Variants in DNER observed in about 807,000 individuals in gnomAD.
DNER encodes the protein delta/notch like EGF repeat containing.
A neutral mutation model predicts 78.2 loss-of-function variants in DNER; 33 were observed. That is an observed-to-expected ratio of 0.42 (90% CI 0.32 to 0.56). The LOEUF (loss-of-function observed/expected upper bound fraction) is 0.56, where lower values mean the gene tolerates loss of function less well. Among genes scored for constraint, DNER ranks in the 20% least tolerant of loss-of-function variants. The probability of loss-of-function intolerance (pLI) is 0.11; values close to 1 mark genes in which losing one functional copy is unlikely to be tolerated. For missense variants in DNER, 918 were observed against 975.3 expected (o/e 0.94, Z 0.78); for synonymous variants, 417 against 384.8 (o/e 1.08, Z -0.98).
At chr2:229,674,995 TA>T (rs1202135450) in intron 1 of DNER, among the ~76,000 whole-genome samples, 2 of 152,216 alleles carry the variant, frequency 1.3e-5, no homozygotes, top group Non-Finnish European at 2.9e-5. Flanking sequence ...AGTCATCTTT[TA>T]TATAAAAATC....
At chr2:229,516,307 T>C (rs1187216560) in intron 5 of DNER, among the ~76,000 whole-genome samples, 1 of 152,188 alleles carries the variant, frequency 6.6e-6, no homozygotes, top group Non-Finnish European at 1.5e-5. Context: ...TGAATGTTTA[T>C]TATAGGAAAC....
chr2:229,679,546 G>A lies in DNER; in HGVS notation c.276+34602C>T, dbSNP rs115204367. Among the ~76,000 whole-genome samples, 1,443 of 151,926 alleles carry A rather than the reference G, an allele frequency of 9.5e-3. 20 individuals carry two copies. Among genetic ancestry groups the A allele is most frequent in the African/African-American group, 0.032 (1,322 of 41,422 alleles). ...GTCATTTGCCATAATACCTAACGTC[G>A]TCTGACAGTTTAAAACAGTGGTCTC... On this transcript the variant is annotated intron_variant, in intron 1 of 12. Transcript: ENST00000341772.
intron 5 of DNER, among the ~76,000 whole-genome samples, chr2:229,536,588 T>C (rs1410004278): frequency 6.6e-6 from 1 of 151,984 alleles, no homozygotes; most frequent in East Asian, 1.9e-4. Context: ...AGGACAAAGG[T>C]ATAAGCATTC....
chr2:229,561,220 T>C (rs748392842), intron 4 of DNER, among the ~76,000 whole-genome samples: 3 of 152,152 alleles, frequency 2.0e-5, no homozygotes, highest in Admixed American at 6.5e-5. Context: ...CCAGAAATGG[T>C]CCAAATATTT....
intron 6 of DNER, among the ~76,000 whole-genome samples, chr2:229,508,532 T>A (rs1332475586): frequency 6.6e-6 from 1 of 152,148 alleles, no homozygotes; most frequent in Non-Finnish European, 1.5e-5. Context: ...TTTATAAATT[T>A]TAAAAGAATT....
At chr2:229,586,933 G>A (rs1375448236) in intron 3 of DNER, 3 of 985,380 alleles carry the variant, frequency 3.0e-6, no homozygotes, top group Non-Finnish European at 3.6e-6. Context: ...AAATGAAAGC[G>A]TAAGGAGCTA....
At chr2:229,690,396 A>G (rs1160732670) in intron 1 of DNER, among the ~76,000 whole-genome samples, 1 of 152,252 alleles carries the variant, frequency 6.6e-6, no homozygotes, top group Non-Finnish European at 1.5e-5. Context: ...GCTTTGGAAA[A>G]GTCACTTAAC....
intron 4 of DNER, among the ~76,000 whole-genome samples, chr2:229,576,809 A>C (rs1697311681): frequency 1.3e-5 from 2 of 151,322 alleles, no homozygotes; most frequent in South Asian, 4.2e-4. Context: ...TACACGGAGA[A>C]GAACCAGTGG....
At chr2:229,629,034 C>A (rs1306418152) in intron 1 of DNER, among the ~76,000 whole-genome samples, 3 of 152,142 alleles carry the variant, frequency 2.0e-5, no homozygotes, top group Non-Finnish European at 4.4e-5. Context: ...GGGAAAGGAG[C>A]AAGAAAAAGA....
chr2:229,416,715 C>T (rs1389596962), intron 9 of DNER, among the ~76,000 whole-genome samples: 2 of 152,130 alleles, frequency 1.3e-5, no homozygotes, highest in Non-Finnish European at 2.9e-5. Flanking sequence ...GCCCTCATCC[C>T]CTGTTCTTGT....
At chr2:229,504,295 CT>C (rs1185601533) in intron 6 of DNER, among the ~76,000 whole-genome samples, 2 of 152,204 alleles carry the variant, frequency 1.3e-5, no homozygotes, top group African/African-American at 4.8e-5. Flanking sequence ...TCTTGGCTCA[CT>C]GCAACCTCTG....
rs55792064 is a variant in DNER, at chr2:229,470,614, C to T, written c.1261+6526G>A. ...CCTGTAATCCCCGTACTTTGGGAGGCTGAGGTGGGCGGATCACCTGAGGTC... is the reference window on the plus strand; with the variant it reads ...CCTGTAATCCCCGTACTTTGGGAGGTTGAGGTGGGCGGATCACCTGAGGTC... On this transcript the variant is annotated intron_variant, in intron 7 of 12. Coordinates refer to ENST00000341772, the MANE Select transcript of DNER (RefSeq NM_139072.4). Among the ~76,000 whole-genome samples, 1,346 of 152,292 alleles carry T rather than the reference C, an allele frequency of 8.8e-3. 6 individuals are homozygous for T. Among genetic ancestry groups the T allele is most frequent in the Non-Finnish European group, 0.013 (906 of 68,022 alleles).
At chr2:229,611,891 A>G (rs1370055765) in intron 1 of DNER, among the ~76,000 whole-genome samples, 1 of 152,182 alleles carries the variant, frequency 6.6e-6, no homozygotes, top group Non-Finnish European at 1.5e-5. Context: ...ATAACCACTC[A>G]GTCCTGAGTC....
intron 4 of DNER, among the ~76,000 whole-genome samples, chr2:229,583,538 C>G (rs1351343212): frequency 6.6e-6 from 1 of 152,162 alleles, no homozygotes; most frequent in African/African-American, 2.4e-5. Flanking sequence ...TTAAGTGGAA[C>G]CAGCGTAGGT....
intron 1 of DNER, among the ~76,000 whole-genome samples, chr2:229,596,564 C>T (rs759236327): frequency 2.6e-5 from 4 of 152,264 alleles, no homozygotes; most frequent in Non-Finnish European, 5.9e-5. Context: ...AGCCATTCAC[C>T]CCAGTGGGAA....
intron 5 of DNER, among the ~76,000 whole-genome samples, chr2:229,545,814 A>C (rs1696617229): frequency 6.6e-6 from 1 of 152,130 alleles, no homozygotes; most frequent in Admixed American, 6.5e-5. Context: ...AGCAAAGTTA[A>C]TGTGTCATCT....
In DNER at chr2:229,401,977, T is replaced by A. The variant is rs149256327; in HGVS notation, c.1723+5255A>T. 2.8e-4 allele frequency among the ~76,000 whole-genome samples: 42 copies of A among 152,272 alleles called. No homozygotes were observed. In the East Asian group the frequency reaches 4.2e-3, roughly 15 times the overall value. On this transcript the variant is annotated intron_variant, in intron 10 of 12. Coordinates refer to ENST00000341772, the MANE Select transcript of DNER (RefSeq NM_139072.4). ...GTTTACATGGGAAAAATATTTTCCA[T>A]CCTTAAGTCACACCGTAAACAAAAA...
At chr2:229,540,177 C>T (rs1184612683) in intron 5 of DNER, among the ~76,000 whole-genome samples, 2 of 152,122 alleles carry the variant, frequency 1.3e-5, no homozygotes, top group Non-Finnish European at 2.9e-5. Flanking sequence ...AGATTTTGAG[C>T]TGAGCCTGAA....
chr2:229,394,841 T>TA (rs1197456018), intron 10 of DNER, among the ~76,000 whole-genome samples: 1 of 152,198 alleles, frequency 6.6e-6, no homozygotes, highest in Non-Finnish European at 1.5e-5. Flanking sequence ...CATACATCTG[T>TA]ATTGTTTTAA....
Sources: allele counts gnomAD v4.1 joint callset (sites outside exome capture counted in the v4.1 genomes callset), GRCh38; gene constraint gnomAD v4.1.1; transcripts MANE v1.5; gene names NCBI Gene and HGNC (gene_info 2026-07-23, HGNC 2026-07-21).